Variants in RUNX1 observed in about 807,000 individuals in gnomAD.
The protein encoded by RUNX1 is runt-related transcription factor 1.
RUNX1 carries 19 observed loss-of-function variants against 42.8 expected under a neutral mutation model. That is an observed-to-expected ratio of 0.44 (90% CI 0.31 to 0.65). RUNX1 has a LOEUF of 0.65. RUNX1 is among the 30% of genes least tolerant of loss of function. RUNX1 has a pLI of 0.07. For missense variants in RUNX1, 528 were observed against 672.0 expected, an observed-to-expected ratio of 0.79 and a Z score of 2.37; for synonymous variants, 271 against 289.4, an observed-to-expected ratio of 0.94 and a Z score of 0.64.
Position 34,887,117 on chromosome 21 carries a change from A to G in RUNX1, c.98-21T>C, listed in dbSNP as rs371813424. On this transcript the variant is annotated intron_variant, in intron 3 of 8. Transcript: ENST00000675419. ...GGCATCTACGGGGATACGCATCACA[A>G]CAAGCCGATTGAGTTAGGACCCTGC... 323 of 1,598,074 alleles carry G rather than the reference A, an allele frequency of 2.0e-4. 1 individual carries two copies. Among genetic ancestry groups the G allele is most frequent in the Non-Finnish European group, 2.4e-4 (282 of 1,179,838 alleles).
chr21:34,822,967 T>C (rs2056930087), intron 7 of RUNX1, among the ~76,000 whole-genome samples: 1 of 152,216 alleles, frequency 6.6e-6, no homozygotes, highest in African/African-American at 2.4e-5. Context: ...CCAAAGCAAC[T>C]GGACATATGT....
At chr21:34,963,439 C>A (rs1234870952) in intron 2 of RUNX1, among the ~76,000 whole-genome samples, 14 of 152,176 alleles carry the variant, frequency 9.2e-5, no homozygotes, top group African/African-American at 3.1e-4. Flanking sequence ...AGTCGTCTCT[C>A]GTCCTAGTTT....
At chr21:34,999,117 A>G (rs2059020885) in intron 2 of RUNX1, among the ~76,000 whole-genome samples, 1 of 152,234 alleles carries the variant, frequency 6.6e-6, no homozygotes, top group Non-Finnish European at 1.5e-5. Context: ...GCAGGGCAGC[A>G]CACACAACTG....
At chr21:34,885,051 G>C (rs1601524536) in intron 4 of RUNX1, among the ~76,000 whole-genome samples, 1 of 152,120 alleles carries the variant, frequency 6.6e-6, no homozygotes, top group Non-Finnish European at 1.5e-5. Context: ...GTAATGGCTT[G>C]AGACTCTGAA....
intron 5 of RUNX1, among the ~76,000 whole-genome samples, chr21:34,869,600 C>T (rs2057709922): frequency 6.6e-6 from 1 of 152,168 alleles, no homozygotes; most frequent in African/African-American, 2.4e-5. Context: ...TGAACCAGTG[C>T]TGAGTTTATA....
At chr21:35,036,631 G>C (rs1332639548) in intron 2 of RUNX1, among the ~76,000 whole-genome samples, 1 of 152,176 alleles carries the variant, frequency 6.6e-6, no homozygotes, top group Non-Finnish European at 1.5e-5. Flanking sequence ...GATGTCAGAG[G>C]ACTGGTGACA....
In RUNX1 at chr21:35,035,210, G is replaced by A. The variant is rs565758961; in HGVS notation, c.58+13632C>T. 3.9e-5 allele frequency among the ~76,000 whole-genome samples: 6 copies of A among 152,342 alleles called. No individual in the cohort carries two copies. In the East Asian group the frequency reaches 5.8e-4, roughly 15 times the overall value. On this transcript the variant is annotated intron_variant, in intron 2 of 8. Coordinates refer to ENST00000675419, the MANE Select transcript of RUNX1 (RefSeq NM_001754.5). ...TCTATGTATTTCTGATTCAGTGCTC[G>A]CAACAGCTGCATGGGTAATCATCAT...
chr21:34,879,551 T>G (rs1450588824), intron 5 of RUNX1, among the ~76,000 whole-genome samples: 1 of 152,182 alleles, frequency 6.6e-6, no homozygotes, highest in Admixed American at 6.5e-5. Context: ...AAATGTTGTT[T>G]GATTGGTGCT....
intron 2 of RUNX1, among the ~76,000 whole-genome samples, chr21:34,897,415 A>G (rs1485537115): frequency 6.6e-6 from 1 of 152,182 alleles, no homozygotes; most frequent in Non-Finnish European, 1.5e-5. Context: ...GGTCTTTAGC[A>G]CAGTTCTGCA....
At chr21:34,846,918 G>T (rs1052255069) in intron 6 of RUNX1, among the ~76,000 whole-genome samples, 27 of 152,200 alleles carry the variant, frequency 1.8e-4, no homozygotes, top group African/African-American at 6.5e-4. Context: ...TCACCTCCAA[G>T]CAGCTGCAGT....
intron 2 of RUNX1, among the ~76,000 whole-genome samples, chr21:34,978,937 T>TAG (rs71319521): frequency 7.5e-6 from 1 of 134,148 alleles, no homozygotes; most frequent in East Asian, 2.2e-4. Flanking sequence ...CACACACAGA[T>TAG]ACACACACAC....
intron 5 of RUNX1, among the ~76,000 whole-genome samples, chr21:34,868,576 G>A (rs2057695263): frequency 6.6e-6 from 1 of 152,150 alleles, no homozygotes; most frequent in South Asian, 2.1e-4. Flanking sequence ...GATTCTTCAT[G>A]CCTCCACCGG....
At chr21:34,943,791 G>A (rs922204324) in intron 2 of RUNX1, among the ~76,000 whole-genome samples, 17 of 151,996 alleles carry the variant, frequency 1.1e-4, no homozygotes, top group Non-Finnish European at 2.1e-4. Flanking sequence ...TGGAACCCTC[G>A]CAAATCCTCC....
chr21:34,989,810 A>G (rs759325497), intron 2 of RUNX1, among the ~76,000 whole-genome samples: 1 of 152,186 alleles, frequency 6.6e-6, no homozygotes, highest in Non-Finnish European at 1.5e-5. Flanking sequence ...ACAGGGATCC[A>G]GCTCTTACAA....
chr21:34,959,563 A>G (rs186359455), intron 2 of RUNX1, among the ~76,000 whole-genome samples: 227 of 152,314 alleles, frequency 1.5e-3, no homozygotes, highest in African/African-American at 5.3e-3. Context: ...CCTGAAGTGC[A>G]TTAAAAATAA....
At chr21:35,042,476 C>A (rs1323899929) in intron 2 of RUNX1, among the ~76,000 whole-genome samples, 2 of 152,236 alleles carry the variant, frequency 1.3e-5, no homozygotes, top group Non-Finnish European at 2.9e-5. Context: ...CTGCTTCCCT[C>A]CACTCTCCAG....
rs534292458 is a variant in RUNX1, at chr21:35,018,419, T to G, written c.58+30423A>C. On this transcript the variant is annotated intron_variant, in intron 2 of 8. Transcript: ENST00000675419. ...CATGGCTGTCAGAAGGAACCAACCC[T>G]GCCAACACTTTGATCCCAGACTTCC... Among the ~76,000 whole-genome samples the G allele has an allele frequency of 2.6e-5, 4 of 152,280 alleles. No individual in the cohort carries two copies. The South Asian group carries it at 8.3e-4, about 32-fold the overall frequency.
chr21:34,978,085 G>A (rs377202827), intron 2 of RUNX1, among the ~76,000 whole-genome samples: 3 of 152,160 alleles, frequency 2.0e-5, no homozygotes, highest in Admixed American at 6.5e-5. Flanking sequence ...CTACAGTCAC[G>A]TGCCACCATG....
intron 6 of RUNX1, among the ~76,000 whole-genome samples, chr21:34,852,908 G>T (rs1418864866): frequency 3.3e-5 from 5 of 152,242 alleles, no homozygotes; most frequent in Non-Finnish European, 7.3e-5. Context: ...TTACAATCCT[G>T]AGATCACAGA....
Sources: allele counts gnomAD v4.1 joint callset (sites outside exome capture counted in the v4.1 genomes callset), GRCh38; gene constraint gnomAD v4.1.1; transcripts MANE v1.5; gene names NCBI Gene and HGNC (gene_info 2026-07-23, HGNC 2026-07-21).